The following ARFGAP2 variants were observed in gnomAD, a reference collection of about 807,000 sequenced individuals.
ARFGAP2 encodes ARF GTPase activating protein 2.
A neutral mutation model predicts 71.9 loss-of-function variants in ARFGAP2; 45 were observed. That is an observed-to-expected ratio of 0.63 (90% CI 0.49 to 0.80). ARFGAP2 has a LOEUF of 0.80. Ranked by LOEUF, ARFGAP2 falls within the 30% of genes least tolerant of loss-of-function variation. The pLI is 0.00. For missense variants in ARFGAP2, 633 were observed against 673.9 expected (o/e 0.94, Z 0.67); for synonymous variants, 248 against 249.2 (o/e 1.00, Z 0.05).
At chr11:47,171,913 GT>G in intron 8 of ARFGAP2, 113 bp from the exon 9 acceptor site, 1 of 1,453,292 alleles carries the variant, frequency 6.9e-7, no homozygotes, top group South Asian at 1.3e-5. Flanking sequence ...AAAATTTAGG[GT>G]AAAAAACAGG....
rs1421883490 is a variant in ARFGAP2 at position 47,175,043 on chromosome 11, T to G, written c.452A>C (p.Asp151Ala). Residue 151 changes from aspartate to alanine, a missense_variant, in exon 5 of 16, where the codon GAC becomes GCC. Asp to Ala is a moderately radical substitution (Grantham distance 126, BLOSUM62 -2). Transcript: ENST00000524782. The stretch of plus-strand genomic sequence containing the variant: ...AGTGTGTTCTGTGAAGAAATCAGAG[T>G]CCTTCTTCTCTGGGGAGTGATTAGG... ...AVPNHSPEKK[D>A]SDFFTEHTQP... The G allele has an allele frequency of 1.2e-6, 2 of 1,613,980 alleles. No individual in the cohort carries two copies. The highest frequency in any genetic ancestry group is 1.7e-6 in the Non-Finnish European group (2 of 1,179,962).
chr11:47,174,401 T>C (rs1952717630), intron 5 of ARFGAP2: 1 of 45,846 alleles, frequency 2.2e-5, no homozygotes, highest in South Asian at 7.2e-4. Flanking sequence ...TTTTTTTTTT[T>C]TTTTTGAGAC....
intron 15 of ARFGAP2, among the ~76,000 whole-genome samples, chr11:47,165,809 G>A (rs377562512): frequency 4.7e-4 from 71 of 152,164 alleles, no homozygotes; most frequent in Admixed American, 1.2e-3. Context: ...GCCCTGGCAC[G>A]GAGCTGAAAG....
At chr11:47,173,656 C>T in intron 6 of ARFGAP2, 103 bp downstream of exon 6, 1 of 1,457,246 alleles carries the variant, frequency 6.9e-7, no homozygotes, top group Non-Finnish European at 9.2e-7. Flanking sequence ...CCCAAAGATA[C>T]AGGAGGACCC....
chr11:47,170,580 G>C (rs1952561584), intron 10 of ARFGAP2, among the ~76,000 whole-genome samples: 1 of 152,242 alleles, frequency 6.6e-6, no homozygotes, highest in Middle Eastern at 3.4e-3. Context: ...CCAGGAGGTA[G>C]AGATTGCAGT....
In ARFGAP2 at chr11:47,171,451, A is replaced by G. The variant is rs1232590715; in HGVS notation, c.916T>C (p.Leu306=). The G allele has an allele frequency of 6.2e-7, 1 of 1,614,098 alleles. No individual in the cohort carries two copies. The highest frequency in any genetic ancestry group is 8.5e-7 in the Non-Finnish European group (1 of 1,180,048). Residue 306 remains leucine, a synonymous_variant, in exon 10 of 16, where the codon TTG becomes CTG. Transcript: ENST00000524782. The part of the protein sequence containing the change: ...EGKKREQAER[L]GMGLVSRSSV... ...CTTCGGGATACCAAGCCCATGCCCA[A>G]CCTTTCTGCCTGCTCTCGCTTCTTC...
At position 47,174,925 on chromosome 11, in the gene ARFGAP2, G is replaced by A. The variant is rs1410822368; in HGVS notation, c.480+90C>T. The A allele has an allele frequency of 4.4e-6, 6 of 1,376,166 alleles. No individual in the cohort carries two copies. The African/African-American group carries it at 5.8e-5, about 13-fold the overall frequency. 85.2% of individuals were successfully genotyped at this position (1,376,166 alleles called of 1,614,324 possible). A position where few individuals can be genotyped will look rare whatever the true frequency, so the allele number is the denominator to read the frequency against. On this transcript the variant is annotated intron_variant, in intron 5 of 15. Transcript: ENST00000524782. ...TCCAAGACATCACATCAAAGCAAATGGAATCTACAACCATGATCACAGAAG... is the reference window on the plus strand; with the variant it reads ...TCCAAGACATCACATCAAAGCAAATAGAATCTACAACCATGATCACAGAAG...
At position 47,168,177 on chromosome 11, in the gene ARFGAP2, C is replaced by G; in HGVS notation, c.1016G>C (p.Arg339Pro). 2.5e-6 allele frequency: 4 copies of G among 1,614,236 alleles called. No individual in the cohort carries two copies. The highest frequency in any genetic ancestry group is 2.5e-6 in the Non-Finnish European group (3 of 1,180,054). Reference protein sequence around the residue: ...QETPVSAKSSRSQLDLFDDVG... With the variant: ...QETPVSAKSSPSQLDLFDDVG... ...ATCGTCAAACAAGTCCAGCTGCGAG[C>G]GAGAGGATTTTGCACTCACTGGGGT... Residue 339 changes from arginine (R) to proline (P), a missense_variant, in exon 11 of 16, where the codon CGC becomes CCC. By Grantham distance (103) the Arg-to-Pro change is moderately radical (BLOSUM62 -2). Transcript: ENST00000524782.
At chr11:47,173,869 T>A (rs772897373) in intron 5 of ARFGAP2, 29 bp from the exon 6 acceptor site, 2 of 1,573,654 alleles carry the variant, frequency 1.3e-6, no homozygotes, top group Non-Finnish European at 1.7e-6. Flanking sequence ...CACAGATGCC[T>A]CGGTGAGCCA....
At position 47,175,129 on chromosome 11, in the gene ARFGAP2, G is replaced by C. The variant is rs1379429849; in HGVS notation, c.397-31C>G. On this transcript the variant is annotated intron_variant, in intron 4 of 15. Transcript: ENST00000524782. ...AAGGAGAAGACACCCCTAAAACACAGGGCTCTGAATACTCCTAACCCTCCT... is the reference window on the plus strand; with the variant it reads ...AAGGAGAAGACACCCCTAAAACACACGGCTCTGAATACTCCTAACCCTCCT... The C allele has an allele frequency of 3.1e-6, 5 of 1,614,120 alleles. No individual in the cohort carries two copies. In the Admixed American group the frequency reaches 5.0e-5, roughly 16 times the overall value.
In ARFGAP2 at chr11:47,176,562, A is replaced by G. The variant is rs1952837554; in HGVS notation, c.145T>C (p.Cys49Arg). 1 of 1,614,016 alleles carries G rather than the reference A, an allele frequency of 6.2e-7. No homozygotes were observed. The highest frequency in any genetic ancestry group is 8.5e-7 in the Non-Finnish European group (1 of 1,180,036). ...ITYGVFLCID[C>R]SGVHRSLGVH... ...CCCAGGGAGCGGTGCACCCCGGAAC[A>G]GTCAATGCACAAGAAAACACCGTAC... The change falls in exon 2 of 16, where the codon TGT (cysteine) becomes CGT (arginine). Residue 49 changes from cysteine (C) to arginine (R), a missense_variant. By Grantham distance (180) the Cys-to-Arg change is radical (BLOSUM62 -3). Coordinates refer to ENST00000524782, the MANE Select transcript of ARFGAP2 (RefSeq NM_032389.6).
chr11:47,169,719 T>TG (rs750198082), intron 10 of ARFGAP2, among the ~76,000 whole-genome samples: 28 of 151,992 alleles, frequency 1.8e-4, no homozygotes, highest in Non-Finnish European at 3.7e-4. Flanking sequence ...TAGCCAGGTG[T>TG]GGAGGCTGAG....
chr11:47,172,371 G>T, intron 7 of ARFGAP2, 38 bp from the exon 8 acceptor site: 1 of 1,609,494 alleles, frequency 6.2e-7, no homozygotes, highest in African/African-American at 1.3e-5. Flanking sequence ...TAAGACAAAG[G>T]CAGCTCAGAG....
chr11:47,168,189 G>T lies in ARFGAP2; in HGVS notation c.1004C>A (p.Ala335Glu). Residue 335 changes from alanine (A) to glutamate (E), a missense_variant, in exon 11 of 16, where the codon GCA becomes GAA. Coordinates refer to ENST00000524782, the MANE Select transcript of ARFGAP2 (RefSeq NM_032389.6). ...GTCCAGCTGCGAGCGAGAGGATTTT[G>T]CACTCACTGGGGTTTCCTGCTCAAT... ...QVIEQETPVS[A>E]KSSRSQLDLF... 1 of 1,614,260 alleles carries T rather than the reference G, an allele frequency of 6.2e-7. No homozygotes were observed.
chr11:47,172,248 A>C, intron 8 of ARFGAP2, 33 bp downstream of exon 8: 1 of 1,609,756 alleles, frequency 6.2e-7, no homozygotes, highest in Middle Eastern at 1.7e-4. Flanking sequence ...CCCAGCTCCT[A>C]ACCCCTCTAC....
intron 15 of ARFGAP2, 115 bp downstream of exon 15, chr11:47,166,153 C>T (rs1453473454): frequency 9.4e-7 from 1 of 1,066,522 alleles, no homozygotes; most frequent in Non-Finnish European, 1.4e-6. Flanking sequence ...TGAGCCACCA[C>T]ACCCGGCCGA....
In ARFGAP2 at chr11:47,175,004, T is replaced by C. The variant is rs142232467; in HGVS notation, c.480+11A>G. 12 of 1,613,860 alleles carry C rather than the reference T, an allele frequency of 7.4e-6. No individual in the cohort carries two copies. The highest frequency in any genetic ancestry group is 1.0e-5 in the Non-Finnish European group (12 of 1,179,900). On this transcript the variant is annotated intron_variant, in intron 5 of 15. Coordinates refer to ENST00000524782, the MANE Select transcript of ARFGAP2 (RefSeq NM_032389.6). ...GAACAACTGGGAAAACGGTTCCTTG[T>C]GGGCACTCACTTGAGTGTGTTCTGT...
chr11:47,171,793 G>A lies in ARFGAP2; in HGVS notation c.680C>T (p.Ala227Val). The A allele has an allele frequency of 6.2e-7, 1 of 1,613,568 alleles. No homozygotes were observed. The highest frequency in any genetic ancestry group is 8.5e-7 in the Non-Finnish European group (1 of 1,180,038). The change falls in exon 9 of 16, where the codon GCC becomes GTC. Residue 227 changes from alanine to valine, a missense_variant. By Grantham distance (64) the Ala-to-Val change is moderately conservative. Transcript: ENST00000524782. Reference protein sequence around the residue: ...KPAAAKKGLGAKKGLGAQKVS... With the variant: ...KPAAAKKGLGVKKGLGAQKVS... The stretch of plus-strand genomic sequence containing the variant: ...CTTCTGGGCCCCTAGGCCTTTCTTG[G>A]CACCCAGCTGGGAACAGAATCATGT...
chr11:47,176,500 C>G lies in ARFGAP2; in HGVS notation c.191+16G>C. ...GCCGGCCGGGTGGAAACACGGCAAC[C>G]GCGCGGAGAGCCTACCTGATGAAGC... On this transcript the variant is annotated intron_variant, in intron 2 of 15. Coordinates refer to ENST00000524782, the MANE Select transcript of ARFGAP2 (RefSeq NM_032389.6). The G allele has an allele frequency of 6.2e-7, 1 of 1,611,244 alleles. No homozygotes were observed. Among genetic ancestry groups the G allele is most frequent in the Non-Finnish European group, 8.5e-7 (1 of 1,178,726 alleles).
Sources: gnomAD v4.1 joint callset for allele counts (sites outside exome capture counted in the v4.1 genomes callset) on GRCh38, gnomAD v4.1.1 for gene constraint, MANE v1.5 for transcripts, NCBI Gene and HGNC (gene_info 2026-07-23, HGNC 2026-07-21) for gene names.